The following NTSR2 variants were observed in gnomAD, a reference collection of about 807,000 sequenced individuals.
The protein encoded by NTSR2 is neurotensin receptor 2.
NTSR2 carries 22 observed loss-of-function variants against 24.1 expected under a neutral mutation model. That is an observed-to-expected ratio of 0.91 (90% CI 0.65 to 1.30). The LOEUF (loss-of-function observed/expected upper bound fraction) is 1.30, where lower values mean the gene tolerates loss of function less well. Ranked by LOEUF, NTSR2 falls within the 50% of genes most tolerant of loss-of-function variation. The pLI is 0.00. For missense variants in NTSR2, 570 were observed against 570.4 expected (o/e 1.00, Z 0.01); for synonymous variants, 291 against 267.0 (o/e 1.09, Z -0.88).
chr2:11,662,050 A>C lies in NTSR2; in HGVS notation c.815T>G (p.Phe272Cys). The C allele has an allele frequency of 6.2e-7, 1 of 1,613,588 alleles. No homozygotes were observed. The highest frequency in any genetic ancestry group is 8.5e-7 in the Non-Finnish European group (1 of 1,179,866). The change falls in exon 2 of 4, where the codon TTT becomes TGT. Residue 272 changes from phenylalanine (F) to cysteine (C), a missense_variant. Physicochemically the swap from Phe to Cys is radical, Grantham distance 205 (BLOSUM62 -2). Coordinates refer to ENST00000306928, the MANE Select transcript of NTSR2 (RefSeq NM_012344.4). ...CAGGCTGACCTGGCCTCCCTGGATA[A>C]AGGTCTTCTTCCATACGATGAAGCT... Reference protein sequence around the residue: ...LLSFIVWKKTFIQGGQVSLVR... With the variant: ...LLSFIVWKKTCIQGGQVSLVR...
rs1661271686 is a variant in NTSR2, at chr2:11,669,364, G to A, written c.624+142C>T. On this transcript the variant is annotated intron_variant, in intron 1 of 3. Coordinates refer to ENST00000306928, the MANE Select transcript of NTSR2 (RefSeq NM_012344.4). The stretch of plus-strand genomic sequence containing the variant: ...CGCCTCCCTCCTTCTAGTAAAATGG[G>A]ACAGAGCAACAAGACCCAACTTGCT... The A allele has an allele frequency of 5.7e-6, 4 of 706,222 alleles. No individual in the cohort carries two copies. The South Asian group carries it at 1.1e-4, about 20-fold the overall frequency. The allele number at this position is 706,222 out of a possible 1,614,324, so 43.7% of individuals were successfully genotyped here.
intron 2 of NTSR2, among the ~76,000 whole-genome samples, chr2:11,660,906 G>C (rs548598047): frequency 6.6e-6 from 1 of 152,224 alleles, no homozygotes; most frequent in African/African-American, 2.4e-5. Context: ...CTATTGAAAA[G>C]TTCCTTCTTA....
chr2:11,663,358 G>A (rs1315050003), intron 1 of NTSR2, among the ~76,000 whole-genome samples: 1 of 152,158 alleles, frequency 6.6e-6, no homozygotes, highest in African/African-American at 2.4e-5. Context: ...GTGCACCAGA[G>A]AGCAACCAGT....
Position 11,661,994 on chromosome 2 carries a change from T to G in NTSR2, c.871A>C (p.Ser291Arg). The G allele has an allele frequency of 1.9e-6, 3 of 1,609,028 alleles. No homozygotes were observed. Among genetic ancestry groups the G allele is most frequent in the Non-Finnish European group, 1.7e-6 (2 of 1,177,500 alleles). Residue 291 changes from serine (S) to arginine (R), a missense_variant, in exon 2 of 4, where the codon AGC becomes CGC. Coordinates refer to ENST00000306928, the MANE Select transcript of NTSR2 (RefSeq NM_012344.4). ...VRHKDVRRIR[S>R]LQRSVQVLRA... is the part of the protein sequence containing the mutation. ...AGAACCTGGACGCTGCGCTGGAGGC[T>G]GCGGATCCGGCGCACGTCTTTATGT...
chr2:11,669,439 G>A, intron 1 of NTSR2, 67 bp downstream of exon 1: 1 of 912,250 alleles, frequency 1.1e-6, no homozygotes, highest in Non-Finnish European at 1.5e-6. Flanking sequence ...CGGGGAGAGG[G>A]GGTTCCCTCC....
chr2:11,661,905 G>A, intron 2 of NTSR2, 62 bp downstream of exon 2: 2 of 1,427,716 alleles, frequency 1.4e-6, no homozygotes. Flanking sequence ...GCCAGGGATT[G>A]GTGGAGGCAG....
In NTSR2 at chr2:11,658,309, G is replaced by A. The variant is rs1020975864; in HGVS notation, c.*170C>T. The A allele has an allele frequency of 9.6e-5, 76 of 788,150 alleles. No homozygotes were observed. Among genetic ancestry groups the A allele is most frequent in the Non-Finnish European group, 1.3e-4 (66 of 503,246 alleles). 48.8% of individuals were successfully genotyped at this position (788,150 alleles called of 1,614,324 possible). A position where few individuals can be genotyped will look rare whatever the true frequency, so the allele number is the denominator to read the frequency against. ...ACACAGACGAGGGAGCCTGAGGCTA[G>A]GAGGGGTCACGTGGCTTCCCTGCGC... On this transcript the variant is annotated 3_prime_UTR_variant, in exon 4 of 4. Coordinates refer to ENST00000306928, the MANE Select transcript of NTSR2 (RefSeq NM_012344.4).
intron 3 of NTSR2, 120 bp from the exon 4 acceptor site, chr2:11,658,842 A>T (rs1386619679): frequency 1.6e-5 from 18 of 1,154,836 alleles, no homozygotes; most frequent in Non-Finnish European, 1.7e-5. Context: ...TTCTGCTATC[A>T]GGAAGCACAG....
At chr2:11,669,238 G>A (rs1661267236) in intron 1 of NTSR2, among the ~76,000 whole-genome samples, 1 of 152,156 alleles carries the variant, frequency 6.6e-6, no homozygotes, top group African/African-American at 2.4e-5. Context: ...GCAACTTTAC[G>A]CCCAAATGTC....
rs372945160 is a variant in NTSR2 at position 11,660,146 on chromosome 2, G to A, written c.899-13C>T. 315 of 1,607,046 alleles carry A rather than the reference G, an allele frequency of 2.0e-4. No homozygotes were observed. The African/African-American group carries it at 4.0e-3, about 21-fold the overall frequency. On this transcript the variant is annotated splice_polypyrimidine_tract_variant and intron_variant, in intron 2 of 3. Coordinates refer to ENST00000306928, the MANE Select transcript of NTSR2 (RefSeq NM_012344.4). ...ACCACGATGGCTCCTGCAGAGCATT[G>A]GAAAGGGAGAGACAGCGCCAGGAGA...
At chr2:11,660,894 G>T (rs1661057687) in intron 2 of NTSR2, among the ~76,000 whole-genome samples, 1 of 152,068 alleles carries the variant, frequency 6.6e-6, no homozygotes, top group African/African-American at 2.4e-5. Context: ...TCTATATCCA[G>T]TCTATTGAAA....
intron 2 of NTSR2, among the ~76,000 whole-genome samples, chr2:11,661,105 G>C (rs1661062154): frequency 6.6e-6 from 1 of 152,154 alleles, no homozygotes; most frequent in Non-Finnish European, 1.5e-5. Context: ...CAACATCAGT[G>C]AGAAGCCTGG....
chr2:11,669,459 C>CGGGGCCGGGGGG, intron 1 of NTSR2, 47 bp downstream of exon 1: 4 of 337,896 alleles, frequency 1.2e-5, no homozygotes, highest in Non-Finnish European at 1.6e-5. Context: ...CTCCCAGCAC[C>CGGGGCCGGGGGG]GCCCCCCCAC....
chr2:11,668,868 G>C (rs1419096502), intron 1 of NTSR2, among the ~76,000 whole-genome samples: 1 of 152,230 alleles, frequency 6.6e-6, no homozygotes, highest in Non-Finnish European at 1.5e-5. Flanking sequence ...GAGGAGGTGA[G>C]ATCAGAGCTG....
chr2:11,658,388 T>G lies in NTSR2; in HGVS notation c.*91A>C. On this transcript the variant is annotated 3_prime_UTR_variant, in exon 4 of 4. Coordinates refer to ENST00000306928, the MANE Select transcript of NTSR2 (RefSeq NM_012344.4). ...ATAGAAGTCGCCCTGGCTGCGAAGC[T>G]TGAATGATTAGTGATGAGGTTGCTC... The G allele has an allele frequency of 8.0e-6, 12 of 1,505,840 alleles. No homozygotes were observed. Among genetic ancestry groups the G allele is most frequent in the Non-Finnish European group, 1.1e-5 (12 of 1,125,472 alleles). 93.3% of individuals were successfully genotyped at this position (1,505,840 alleles called of 1,614,324 possible).
Position 11,662,024 on chromosome 2 carries a change from C to A in NTSR2, c.841G>T (p.Val281Leu). 6.2e-7 allele frequency: 1 copy of A among 1,613,002 alleles called. No homozygotes were observed. Among genetic ancestry groups the A allele is most frequent in the Non-Finnish European group, 8.5e-7 (1 of 1,179,558 alleles). The part of the protein sequence containing the change: ...TFIQGGQVSL[V>L]RHKDVRRIRS... ...ATCCGGCGCACGTCTTTATGTCTCA[C>A]CAGGCTGACCTGGCCTCCCTGGATA... Residue 281 changes from valine (V) to leucine (L), a missense_variant, in exon 2 of 4, where the codon GTG becomes TTG. Physicochemically the swap from Val to Leu is conservative, Grantham distance 32. Transcript: ENST00000306928.
chr2:11,661,860 C>G (rs1034992614), intron 2 of NTSR2, 107 bp downstream of exon 2: 2 of 1,046,126 alleles, frequency 1.9e-6, no homozygotes, highest in East Asian at 2.6e-5. Flanking sequence ...GTAAAGGAAG[C>G]CTTGAGAGAG....
chr2:11,669,685 G>C lies in NTSR2; in HGVS notation c.445C>G (p.Pro149Ala). 6.5e-7 allele frequency: 1 copy of C among 1,533,604 alleles called. No individual in the cohort carries two copies. 95.0% of individuals were successfully genotyped at this position (1,533,604 alleles called of 1,614,324 possible). A position where few individuals can be genotyped will look rare whatever the true frequency, so the allele number is the denominator to read the frequency against. Residue 149 changes from proline (P) to alanine (A), a missense_variant, in exon 1 of 4, where the codon CCA (proline) becomes GCA (alanine). Physicochemically the swap from Pro to Ala is conservative, Grantham distance 27. Coordinates refer to ENST00000306928, the MANE Select transcript of NTSR2 (RefSeq NM_012344.4). The stretch of plus-strand genomic sequence containing the variant: ...GCCACCAGCCACCGGGTCCGGCGTG[G>C]CGTCAGCAGGCTGCGGGCACGCAGG... ...QPLRARSLLTPRRTRWLVALS... is the reference protein window; with the variant it reads ...QPLRARSLLTARRTRWLVALS...
chr2:11,662,307 G>A, intron 1 of NTSR2, 67 bp from the exon 2 acceptor site: 2 of 1,404,754 alleles, frequency 1.4e-6, no homozygotes, highest in Middle Eastern at 4.0e-4. Context: ...ATCTGGCTGT[G>A]CCCCAGACCC....
Sources: gnomAD v4.1 joint callset for allele counts (sites outside exome capture counted in the v4.1 genomes callset) on GRCh38, gnomAD v4.1.1 for gene constraint, MANE v1.5 for transcripts, NCBI Gene and HGNC (gene_info 2026-07-23, HGNC 2026-07-21) for gene names.